Variants in BRAP observed in about 807,000 individuals in gnomAD.
BRAP encodes BRCA1 associated protein.
Under a neutral mutation model 73.4 loss-of-function variants are expected in BRAP, and 42 were observed. The observed-to-expected ratio is 0.57, with a 90% CI of 0.45 to 0.74. The LOEUF is 0.74. BRAP is among the 30% of genes least tolerant of loss of function. The pLI is 0.00. For missense variants in BRAP, 593 were observed against 751.4 expected (o/e 0.79, Z 2.46); for synonymous variants, 255 against 267.4 (o/e 0.95, Z 0.45).
At chr12:111,674,616 T>C (rs1887308187) in intron 4 of BRAP, among the ~76,000 whole-genome samples, 1 of 152,170 alleles carries the variant, frequency 6.6e-6, no homozygotes, top group Non-Finnish European at 1.5e-5. Context: ...TATACTTTTA[T>C]TTTGGAGGGG....
At chr12:111,679,368 G>C in intron 3 of BRAP, 28 bp from the exon 4 acceptor site, 1 of 1,459,560 alleles carries the variant, frequency 6.9e-7, no homozygotes, top group Middle Eastern at 1.8e-4. Flanking sequence ...AGAGTGTCTT[G>C]AATAGATGAG....
At chr12:111,675,091 T>A (rs958728005) in intron 4 of BRAP, among the ~76,000 whole-genome samples, 1 of 151,938 alleles carries the variant, frequency 6.6e-6, no homozygotes, top group Admixed American at 6.6e-5. Flanking sequence ...CGAAACCCCA[T>A]CTGTACAAAA....
intron 10 of BRAP, among the ~76,000 whole-genome samples, chr12:111,652,342 G>C (rs968289502): frequency 2.8e-4 from 42 of 152,158 alleles, no homozygotes; most frequent in Middle Eastern, 3.4e-3. Context: ...TCCTGCCTCA[G>C]CCACCTGAGT....
chr12:111,684,946 G>A (rs1322868180), intron 1 of BRAP, among the ~76,000 whole-genome samples: 1 of 152,216 alleles, frequency 6.6e-6, no homozygotes, highest in Admixed American at 6.5e-5. Flanking sequence ...GAGGATTACA[G>A]GCGTGAGCCA....
At chr12:111,654,849 T>C (rs1392707071) in intron 10 of BRAP, among the ~76,000 whole-genome samples, 1 of 152,172 alleles carries the variant, frequency 6.6e-6, no homozygotes, top group African/African-American at 2.4e-5. Context: ...TATTTCATAC[T>C]AAGGGAATCA....
At chr12:111,657,941 C>CTT (rs754516146) in intron 9 of BRAP, among the ~76,000 whole-genome samples, 3 of 143,158 alleles carry the variant, frequency 2.1e-5, no homozygotes, top group Non-Finnish European at 1.5e-5. Flanking sequence ...GAAACTTAGA[C>CTT]TTTTTTTTTT....
At chr12:111,671,407 T>C (rs79358450) in intron 5 of BRAP, among the ~76,000 whole-genome samples, 2,379 of 151,846 alleles carry the variant, frequency 0.016, 74 homozygotes, top group African/African-American at 0.054. Context: ...AAAATTAGCC[T>C]GGCATAGTGG....
rs558454993 is a variant in BRAP at position 111,646,120 on chromosome 12, A to G, written c.1416-1558T>C. On this transcript the variant is annotated intron_variant, in intron 11 of 11. Coordinates refer to ENST00000419234, the MANE Select transcript of BRAP (RefSeq NM_006768.5). ...CAACATAGCGAGACACCGTCTATAC[A>G]AAAGAAAAATTAAAAAACTAGCTGG... 1.1e-4 allele frequency among the ~76,000 whole-genome samples: 17 copies of G among 152,020 alleles called. 1 individual carries two copies. In the South Asian group the frequency reaches 3.3e-3, roughly 30 times the overall value.
chr12:111,675,328 T>C (rs1349402848), intron 4 of BRAP, among the ~76,000 whole-genome samples: 1 of 151,858 alleles, frequency 6.6e-6, no homozygotes, highest in East Asian at 1.9e-4. Context: ...TGGCCTACAC[T>C]AGGATGATTG....
intron 1 of BRAP, among the ~76,000 whole-genome samples, chr12:111,683,805 G>A (rs1566133262): frequency 6.6e-6 from 1 of 152,122 alleles, no homozygotes; most frequent in Non-Finnish European, 1.5e-5. Context: ...ACCTCCCAAA[G>A]CGCTGGAATT....
rs368648789 is a variant in BRAP at position 111,662,267 on chromosome 12, G to T, written c.897-1592C>A. 1.1e-4 allele frequency among the ~76,000 whole-genome samples: 17 copies of T among 151,986 alleles called. No homozygotes were observed. In the South Asian group the frequency reaches 3.5e-3, roughly 32 times the overall value. ...AGAAACAATGCTCAAGATATAACTA[G>T]TGGCTAGGCGCGGTGGCTCACACCT... On this transcript the variant is annotated intron_variant, in intron 6 of 11. Coordinates refer to ENST00000419234, the MANE Select transcript of BRAP (RefSeq NM_006768.5).
In BRAP at chr12:111,679,285, T is replaced by C; in HGVS notation, c.499A>G (p.Thr167Ala). 1.2e-6 allele frequency: 2 copies of C among 1,608,056 alleles called. No individual in the cohort carries two copies. The highest frequency in any genetic ancestry group is 2.2e-5 in the East Asian group (1 of 44,776). The change falls in exon 4 of 12, where the codon ACA becomes GCA. Residue 167 changes from threonine (T) to alanine (A), a missense_variant. Thr to Ala is a moderately conservative substitution (Grantham distance 58). Around this residue, in one of 4 missense-constraint regions of BRAP, gnomAD observed 304 missense variants for 337.7 expected, o/e 0.90. Transcript: ENST00000419234. ...TGACTGGTCATTGCAGCAGGGACTG[T>C]GAGAATACACAGCATGGCACTGCGC... is the stretch of plus-strand genomic sequence containing the variant. Reference protein sequence around the residue: ...VRRSAMLCILTVPAAMTSHDL... With the variant: ...VRRSAMLCILAVPAAMTSHDL...
rs565349424 is a variant in BRAP at position 111,667,698 on chromosome 12, C to CAAAAAAAAAAAAAAAAA, written c.748-1928_748-1912dup. 5.6e-3 allele frequency among the ~76,000 whole-genome samples: 120 copies of CAAAAAAAAAAAAAAAAA among 21,280 alleles called. 26 individuals carry two copies. Among genetic ancestry groups the CAAAAAAAAAAAAAAAAA allele is most frequent in the African/African-American group, 0.014 (70 of 5,182 alleles). 14.0% of individuals were successfully genotyped at this position (21,280 alleles called of 152,430 possible). ...TGGGAGACAGAGTGAAACTCCGTCT[C>CAAAAAAAAAAAAAAAAA]AAAAAAAAAAAAAAAAAAAAAAAGC... On this transcript the variant is annotated intron_variant, in intron 5 of 11. Coordinates refer to ENST00000419234, the MANE Select transcript of BRAP (RefSeq NM_006768.5).
chr12:111,643,939 G>C lies in BRAP; in HGVS notation c.*260C>G, dbSNP rs1885996542. Reference sequence around the variant, plus strand: ...ACAGCAGAGTTGGGGCTTCTACCAAGCAGGAAGGCAAAATGGTCATTAGAA... The same window carrying C: ...ACAGCAGAGTTGGGGCTTCTACCAACCAGGAAGGCAAAATGGTCATTAGAA... On this transcript the variant is annotated 3_prime_UTR_variant, in exon 12 of 12. Coordinates refer to ENST00000419234, the MANE Select transcript of BRAP (RefSeq NM_006768.5). 2.1e-6 allele frequency: 1 copy of C among 465,658 alleles called. No homozygotes were observed. The highest frequency in any genetic ancestry group is 3.8e-6 in the Non-Finnish European group (1 of 266,506). 28.8% of individuals were successfully genotyped at this position (465,658 alleles called of 1,614,324 possible). A position where few individuals can be genotyped will look rare whatever the true frequency, so the allele number is the denominator to read the frequency against.
At chr12:111,680,039 C>T (rs888952931) in intron 3 of BRAP, among the ~76,000 whole-genome samples, 29 of 151,166 alleles carry the variant, frequency 1.9e-4, no homozygotes, top group Non-Finnish European at 3.7e-4. Flanking sequence ...CTCACTGCAA[C>T]CTCTGACTCC....
At chr12:111,672,224 A>G (rs76382880) in intron 5 of BRAP, among the ~76,000 whole-genome samples, 2,346 of 152,272 alleles carry the variant, frequency 0.015, 71 homozygotes, top group African/African-American at 0.053. Flanking sequence ...AGGCAGAAAC[A>G]AGAATTAGGA....
chr12:111,655,015 C>A (rs1326654583), intron 10 of BRAP, among the ~76,000 whole-genome samples: 1 of 152,182 alleles, frequency 6.6e-6, no homozygotes, highest in Non-Finnish European at 1.5e-5. Context: ...GGCCTTCCAT[C>A]TGAGTTTCCA....
intron 8 of BRAP, 35 bp downstream of exon 8, chr12:111,659,172 A>C (rs1886646355): frequency 6.2e-7 from 1 of 1,601,576 alleles, no homozygotes; most frequent in Non-Finnish European, 8.5e-7. Context: ...TTCCACACAG[A>C]ATGAGTCCAA....
At chr12:111,646,898 CATT>C (rs1886131061) in intron 11 of BRAP, among the ~76,000 whole-genome samples, 1 of 152,164 alleles carries the variant, frequency 6.6e-6, no homozygotes, top group African/African-American at 2.4e-5. Context: ...GGAAGATGCT[CATT>C]ACAGTATTGC....
Sources: gnomAD v4.1 joint callset for allele counts (sites outside exome capture counted in the v4.1 genomes callset) on GRCh38, gnomAD v4.1.1 for gene constraint, gnomAD v4.1.1 regional missense constraint, MANE v1.5 for transcripts, NCBI Gene and HGNC (gene_info 2026-07-23, HGNC 2026-07-21) for gene names.